The following FRMD4A variants were observed in gnomAD, a reference collection of about 807,000 sequenced individuals.
FRMD4A encodes the protein FERM domain-containing protein 4A.
A neutral mutation model predicts 129.1 loss-of-function variants in FRMD4A; 29 were observed. That is an observed-to-expected ratio of 0.22 (90% confidence interval 0.17 to 0.31). The LOEUF (loss-of-function observed/expected upper bound fraction) is 0.31, where lower values mean the gene tolerates loss of function less well. Among genes scored for constraint, FRMD4A ranks in the 10% least tolerant of loss-of-function variants. The pLI is 1.00. For synonymous variants in FRMD4A, 634 were observed against 571.6 expected (o/e 1.11, Z -1.56); for missense variants, 1,272 against 1,375.8 (o/e 0.92, Z 1.19).
chr10:13,802,452 T>C (rs1396324801), intron 4 of FRMD4A, among the ~76,000 whole-genome samples: 1 of 152,110 alleles, frequency 6.6e-6, no homozygotes, highest in Non-Finnish European at 1.5e-5. Context: ...ATGAAGTTCT[T>C]ATATGTTTAT....
At chr10:13,879,603 T>C (rs1306268756) in intron 2 of FRMD4A, among the ~76,000 whole-genome samples, 1 of 152,174 alleles carries the variant, frequency 6.6e-6, no homozygotes, top group Non-Finnish European at 1.5e-5. Flanking sequence ...AGGATTCAAT[T>C]TGTACAATGG....
chr10:13,949,275 G>A (rs2095355249), intron 2 of FRMD4A, among the ~76,000 whole-genome samples: 1 of 129,976 alleles, frequency 7.7e-6, no homozygotes, highest in Non-Finnish European at 1.5e-5. Context: ...TGTGAGACGA[G>A]CTCCCAAGTT....
At position 14,218,955 on chromosome 10, in the gene FRMD4A, C is replaced by CAAAA. The variant is rs56064346; in HGVS notation, c.45+111099_45+111102dup. Among the ~76,000 whole-genome samples the CAAAA allele has an allele frequency of 6.7e-4, 49 of 72,644 alleles. 9 individuals are homozygous for CAAAA. The highest frequency in any genetic ancestry group is 3.1e-3 in the African/African-American group (41 of 13,052). 47.7% of individuals were successfully genotyped at this position (72,644 alleles called of 152,430 possible). On this transcript the variant is annotated intron_variant, in intron 2 of 24. Transcript: ENST00000357447. The stretch of plus-strand genomic sequence containing the variant: ...GGGCAACAAGAGTGAGACTTCATCT[C>CAAAA]AAAAAAAAAAAAAAAAAAAAAAAAA...
At chr10:13,806,809 T>C (rs984914733) in intron 4 of FRMD4A, among the ~76,000 whole-genome samples, 7 of 152,284 alleles carry the variant, frequency 4.6e-5, no homozygotes, top group Middle Eastern at 3.4e-3. Flanking sequence ...AAAATATAAA[T>C]ACTTTTTTTA....
In FRMD4A at chr10:13,709,844, A is replaced by G. The variant is rs558889981; in HGVS notation, c.760-2731T>C. On this transcript the variant is annotated intron_variant, in intron 12 of 24. Transcript: ENST00000357447. The stretch of plus-strand genomic sequence containing the variant: ...CTAACAGGTTTTTTTTTCTTTCTTT[A>G]TATCTTTATTCTTTTTTTTTGTCTT... 2.6e-5 allele frequency among the ~76,000 whole-genome samples: 4 copies of G among 151,328 alleles called. No homozygotes were observed. In the South Asian group the frequency reaches 8.4e-4, roughly 32 times the overall value.
intron 2 of FRMD4A, among the ~76,000 whole-genome samples, chr10:14,098,229 C>T (rs1035366958): frequency 2.7e-5 from 4 of 150,300 alleles, no homozygotes; most frequent in Admixed American, 2.0e-4. Context: ...TCAAACTGGT[C>T]ACCCCTAATT....
In FRMD4A at chr10:13,666,127, G is replaced by A. The variant is rs369924215; in HGVS notation, c.1573C>T (p.Pro525Ser). The A allele has an allele frequency of 6.2e-6, 10 of 1,611,686 alleles. No homozygotes were observed. Among genetic ancestry groups the A allele is most frequent in the Non-Finnish European group, 7.6e-6 (9 of 1,177,860 alleles). The change falls in exon 18 of 25, where the codon CCC becomes TCC. Residue 525 changes from proline (P) to serine (S), a missense_variant. Transcript: ENST00000357447. ...NENRIKSGKK[P>S]TQRASLIIDD... is the part of the protein sequence containing the mutation. ...ATGATCAGCGAAGCCCTCTGGGTGG[G>A]TTTCTTCCCAGACTTGATGCGGTTC...
At chr10:14,149,595 C>G (rs1331997200) in intron 2 of FRMD4A, among the ~76,000 whole-genome samples, 1 of 152,206 alleles carries the variant, frequency 6.6e-6, no homozygotes, top group Admixed American at 6.5e-5. Flanking sequence ...GCCTGGAACT[C>G]CTGGGTTCAA....
chr10:14,097,531 A>C (rs565613518), intron 2 of FRMD4A, among the ~76,000 whole-genome samples: 1 of 152,298 alleles, frequency 6.6e-6, no homozygotes, highest in African/African-American at 2.4e-5. Flanking sequence ...AGGAAACGGA[A>C]TTGCCCAAGG....
chr10:14,040,086 C>T (rs1833719061), intron 2 of FRMD4A, among the ~76,000 whole-genome samples: 1 of 152,102 alleles, frequency 6.6e-6, no homozygotes, highest in African/African-American at 2.4e-5. Context: ...TTTTTACCAT[C>T]CTTGTTTTAC....
chr10:13,984,928 G>C (rs1232819421), intron 2 of FRMD4A, among the ~76,000 whole-genome samples: 2 of 152,228 alleles, frequency 1.3e-5, no homozygotes, highest in Non-Finnish European at 2.9e-5. Flanking sequence ...TGTAATTTGG[G>C]GGAAGCTCTG....
intron 2 of FRMD4A, among the ~76,000 whole-genome samples, chr10:14,079,146 T>C (rs953821796): frequency 2.0e-5 from 3 of 152,196 alleles, no homozygotes; most frequent in Admixed American, 2.0e-4. Flanking sequence ...AATCCTCACA[T>C]CAACCTCATG....
intron 22 of FRMD4A, 178 bp from the exon 23 acceptor site, chr10:13,654,690 C>A: frequency 3.3e-6 from 2 of 598,076 alleles, no homozygotes; most frequent in Non-Finnish European, 5.9e-6. Flanking sequence ...CAGTGGGCAA[C>A]CATCTCTACA....
At chr10:14,172,214 C>T (rs1841513222) in intron 2 of FRMD4A, among the ~76,000 whole-genome samples, 1 of 152,202 alleles carries the variant, frequency 6.6e-6, no homozygotes, top group Non-Finnish European at 1.5e-5. Context: ...TACACATACA[C>T]AAATCCCTTG....
intron 3 of FRMD4A, among the ~76,000 whole-genome samples, chr10:13,843,305 A>G (rs921946015): frequency 6.6e-6 from 1 of 152,088 alleles, no homozygotes; most frequent in Admixed American, 6.5e-5. Context: ...CTAGGACCAC[A>G]CTTTGAGAAC....
In FRMD4A at chr10:13,657,126, G is replaced by A. The variant is rs769681727; in HGVS notation, c.2463C>T (p.Tyr821=). 19 of 1,534,566 alleles carry A rather than the reference G, an allele frequency of 1.2e-5. No individual in the cohort carries two copies. Among genetic ancestry groups the A allele is most frequent in the Admixed American group, 3.8e-5 (2 of 52,470 alleles). The part of the protein sequence containing the change: ...GGAGGAGGGV[Y]LHSQSQPSSQ... Reference sequence around the variant, plus strand: ...AGCTGGGCTGGCTCTGGCTGTGCAGGTACACACCGCCCCCCGCGCCCCCCG... The same window carrying A: ...AGCTGGGCTGGCTCTGGCTGTGCAGATACACACCGCCCCCCGCGCCCCCCG... Residue 821 remains tyrosine, a synonymous_variant, in exon 22 of 25, where the codon TAC becomes TAT. Coordinates refer to ENST00000357447, the MANE Select transcript of FRMD4A (RefSeq NM_018027.5).
chr10:13,729,482 G>C (rs527880010), intron 12 of FRMD4A: 1 of 152,310 alleles, frequency 6.6e-6, no homozygotes, highest in East Asian at 1.9e-4. Context: ...ATGCCGCCGG[G>C]AGTCCACGCC....
intron 2 of FRMD4A, among the ~76,000 whole-genome samples, chr10:14,067,836 A>G (rs1286678005): frequency 6.6e-6 from 1 of 152,184 alleles, no homozygotes; most frequent in Non-Finnish European, 1.5e-5. Flanking sequence ...ACAAAAAACA[A>G]ACAAAAAACC....
At chr10:14,292,286 T>A (rs1274770013) in intron 2 of FRMD4A, among the ~76,000 whole-genome samples, 1 of 152,248 alleles carries the variant, frequency 6.6e-6, no homozygotes, top group Admixed American at 6.5e-5. Flanking sequence ...GATACTGGCA[T>A]GTGTATGAGA....
Sources: allele counts gnomAD v4.1 joint callset (sites outside exome capture counted in the v4.1 genomes callset), GRCh38; gene constraint gnomAD v4.1.1; transcripts MANE v1.5; gene names NCBI Gene and HGNC (gene_info 2026-07-23, HGNC 2026-07-21).